Variants in CFAP54 observed in about 807,000 individuals in gnomAD.
The protein encoded by CFAP54 is cilia and flagella associated protein 54, also known as cilia- and flagella-associated protein 54.
A neutral mutation model predicts 370.4 loss-of-function variants in CFAP54; 290 were observed. The observed-to-expected ratio is 0.78, with a 90% CI of 0.71 to 0.86. CFAP54 has a LOEUF of 0.86. Among genes scored for constraint, CFAP54 ranks in the 40% least tolerant of loss-of-function variants. The pLI is 0.00. For missense variants in CFAP54, 3,399 were observed against 3,528.7 expected, an observed-to-expected ratio of 0.96 and a Z score of 0.93; for synonymous variants, 1,206 against 1,236.5, an observed-to-expected ratio of 0.98 and a Z score of 0.52.
At chr12:96,841,716 C>T (rs1214216481) in intron 66 of CFAP54, among the ~76,000 whole-genome samples, 2 of 152,194 alleles carry the variant, frequency 1.3e-5, no homozygotes, top group Admixed American at 1.3e-4. Flanking sequence ...GTTCTAGTCC[C>T]AGTTTCGCCC....
chr12:96,553,485 G>GTT (rs936121352), intron 15 of CFAP54, among the ~76,000 whole-genome samples: 6 of 87,600 alleles, frequency 6.8e-5, no homozygotes, highest in Admixed American at 3.9e-4. Context: ...TATATATATA[G>GTT]TTATATATAT....
At chr12:96,719,392 A>G (rs936966056) in intron 49 of CFAP54, among the ~76,000 whole-genome samples, 6 of 152,196 alleles carry the variant, frequency 3.9e-5, no homozygotes, top group African/African-American at 1.4e-4. Flanking sequence ...ATACATTTTT[A>G]GTGGCCTGTC....
chr12:96,778,502 C>T (rs1046117449), intron 60 of CFAP54, among the ~76,000 whole-genome samples: 2 of 152,210 alleles, frequency 1.3e-5, no homozygotes, highest in Admixed American at 6.5e-5. Context: ...AAGAAGTATG[C>T]TTTGCAATTT....
At chr12:96,589,332 A>G (rs1479579250) in intron 22 of CFAP54, 95 bp from the exon 23 acceptor site, 2 of 1,037,644 alleles carry the variant, frequency 1.9e-6, no homozygotes, top group Non-Finnish European at 2.8e-6. Context: ...AGCACCTTAT[A>G]AAATGCTGTC....
chr12:96,677,729 A>G (rs1957227838), intron 39 of CFAP54, among the ~76,000 whole-genome samples: 1 of 152,176 alleles, frequency 6.6e-6, no homozygotes, highest in Non-Finnish European at 1.5e-5. Context: ...GTGATAGGGA[A>G]TTGTGTCAAG....
intron 58 of CFAP54, among the ~76,000 whole-genome samples, chr12:96,761,575 A>AT (rs1393735999): frequency 6.6e-6 from 1 of 151,560 alleles, no homozygotes; most frequent in East Asian, 1.9e-4. Context: ...GATGTTGAAG[A>AT]TTTTCTTATA....
chr12:96,490,305 A>C (rs1565872129), intron 1 of CFAP54, among the ~76,000 whole-genome samples: 1 of 152,226 alleles, frequency 6.6e-6, no homozygotes, highest in Non-Finnish European at 1.5e-5. Flanking sequence ...AGTTGCGCAG[A>C]ATGAATAGCA....
At chr12:96,873,450 C>G (rs1947939682) in intron 67 of CFAP54, among the ~76,000 whole-genome samples, 1 of 152,164 alleles carries the variant, frequency 6.6e-6, no homozygotes, top group Non-Finnish European at 1.5e-5. Flanking sequence ...CGACTCAATC[C>G]AGAGGTTCAT....
chr12:96,563,358 C>T (rs1337751559), intron 17 of CFAP54, among the ~76,000 whole-genome samples: 2 of 152,178 alleles, frequency 1.3e-5, no homozygotes, highest in Non-Finnish European at 2.9e-5. Flanking sequence ...CTTTCTTTAG[C>T]ATGCTGTTGC....
chr12:96,780,616 G>C (rs1388066252), intron 60 of CFAP54, among the ~76,000 whole-genome samples: 4 of 152,122 alleles, frequency 2.6e-5, no homozygotes, highest in Non-Finnish European at 4.4e-5. Flanking sequence ...ACAAATACAA[G>C]AATAGTTTGC....
At chr12:96,717,762 G>C (rs1201707828) in intron 48 of CFAP54, among the ~76,000 whole-genome samples, 1 of 152,218 alleles carries the variant, frequency 6.6e-6, no homozygotes, top group Non-Finnish European at 1.5e-5. Context: ...CTTCCATGGA[G>C]ATCTTATTGA....
At chr12:96,558,590 AC>A (rs1251656290) in intron 17 of CFAP54, among the ~76,000 whole-genome samples, 2 of 152,112 alleles carry the variant, frequency 1.3e-5, no homozygotes, top group African/African-American at 2.4e-5. Context: ...AAATTCACAC[AC>A]CTACAGTGAA....
intron 61 of CFAP54, among the ~76,000 whole-genome samples, chr12:96,785,860 C>T (rs767104979): frequency 5.9e-5 from 9 of 152,190 alleles, no homozygotes; most frequent in Non-Finnish European, 8.8e-5. Context: ...GTAGGGAGCT[C>T]CTAGATAAAC....
At chr12:96,554,956 ATAAT>A (rs1191918411) in intron 17 of CFAP54, 154 bp downstream of exon 17, 2 of 614,594 alleles carry the variant, frequency 3.3e-6, no homozygotes, top group Non-Finnish European at 4.9e-6. Context: ...CAATAAAAAC[ATAAT>A]TAAATCTTTC....
chr12:96,554,571 T>C lies in CFAP54; in HGVS notation c.2284-105T>C. The C allele has an allele frequency of 7.4e-6, 9 of 1,215,130 alleles. No homozygotes were observed. In the South Asian group the frequency reaches 1.2e-4, roughly 16 times the overall value. The allele number at this position is 1,215,130 out of a possible 1,614,324, so 75.3% of individuals were successfully genotyped here. ...GGGCTGAGAAGTGAGCAGAATGTAA[T>C]GGTTACAAATAAGATGATGATAACT... On this transcript the variant is annotated intron_variant, in intron 16 of 67. Transcript: ENST00000524981.
At position 96,507,078 on chromosome 12, in the gene CFAP54, C is replaced by T; in HGVS notation, c.718C>T (p.Leu240Phe). 1.3e-6 allele frequency: 2 copies of T among 1,532,350 alleles called. No individual in the cohort carries two copies. Among genetic ancestry groups the T allele is most frequent in the East Asian group, 4.9e-5 (2 of 40,580 alleles). The allele number at this position is 1,532,350 out of a possible 1,614,324, so 94.9% of individuals were successfully genotyped here. A position where few individuals can be genotyped will look rare whatever the true frequency, so the allele number is the denominator to read the frequency against. The change falls in exon 4 of 68, where the codon CTT (leucine) becomes TTT (phenylalanine). Residue 240 changes from leucine to phenylalanine, a missense_variant. Coordinates refer to ENST00000524981, the MANE Select transcript of CFAP54 (RefSeq NM_001306084.2). ...IMQVALPQEHLCWIIFNGTIY... is the reference protein window; with the variant it reads ...IMQVALPQEHFCWIIFNGTIY... Reference sequence around the variant, plus strand: ...GCAAGTGGCTCTGCCACAAGAGCATCTTTGCTGGATTATCTTCAATGGTAT... The same window carrying T: ...GCAAGTGGCTCTGCCACAAGAGCATTTTTGCTGGATTATCTTCAATGGTAT...
At chr12:96,623,554 G>T (rs1485402382) in intron 27 of CFAP54, among the ~76,000 whole-genome samples, 1 of 152,050 alleles carries the variant, frequency 6.6e-6, no homozygotes, top group Admixed American at 6.6e-5. Context: ...GCAGCATTTT[G>T]GTCAATCTCC....
chr12:96,735,191 C>T (rs936682912), intron 50 of CFAP54, among the ~76,000 whole-genome samples: 5 of 152,104 alleles, frequency 3.3e-5, no homozygotes, highest in African/African-American at 1.2e-4. Context: ...AATAGAAAAG[C>T]TTTAATAGAA....
chr12:96,596,723 G>A (rs1004372608), intron 25 of CFAP54, among the ~76,000 whole-genome samples: 3 of 151,852 alleles, frequency 2.0e-5, no homozygotes, highest in East Asian at 1.9e-4. Context: ...TAACAAAAAG[G>A]ACTATAACAA....
Sources: gnomAD v4.1 joint callset for allele counts (sites outside exome capture counted in the v4.1 genomes callset) on GRCh38, gnomAD v4.1.1 for gene constraint, MANE v1.5 for transcripts, NCBI Gene and HGNC (gene_info 2026-07-23, HGNC 2026-07-21) for gene names.